Variants in PRDM11 observed in about 807,000 individuals in gnomAD.
PRDM11 encodes the protein PR domain-containing protein 11.
Under a neutral mutation model 97.8 loss-of-function variants are expected in PRDM11, and 20 were observed. The observed-to-expected ratio is 0.20, with a 90% confidence interval of 0.14 to 0.30. The LOEUF (loss-of-function observed/expected upper bound fraction) is 0.30, where lower values mean the gene tolerates loss of function less well. PRDM11 is among the 10% of genes least tolerant of loss of function. The probability of loss-of-function intolerance (pLI) is 1.00; values close to 1 mark genes in which losing one functional copy is unlikely to be tolerated. For missense variants in PRDM11, 1,139 were observed against 1,555.2 expected (o/e 0.73, Z 4.50); for synonymous variants, 599 against 637.7 (o/e 0.94, Z 0.91).
At chr11:45,183,294 C>T (rs557190296) in intron 4 of PRDM11, among the ~76,000 whole-genome samples, 171 bp downstream of exon 4, 1 of 152,272 alleles carries the variant, frequency 6.6e-6, no homozygotes, top group South Asian at 2.1e-4. Context: ...GGCTGCAACG[C>T]TTGGTGTCCA....
At chr11:45,149,257 A>G (rs1352155818) in intron 1 of PRDM11, among the ~76,000 whole-genome samples, 2 of 152,240 alleles carry the variant, frequency 1.3e-5, no homozygotes, top group Admixed American at 6.5e-5. Flanking sequence ...TTAAACACCT[A>G]GAAGTCTTTC....
chr11:45,168,091 G>C (rs1039730739), intron 1 of PRDM11, among the ~76,000 whole-genome samples: 1 of 152,180 alleles, frequency 6.6e-6, no homozygotes, highest in Non-Finnish European at 1.5e-5. Flanking sequence ...GATGACTGTT[G>C]AGGTGTCTTT....
At chr11:45,114,331 A>G (rs1852256299) in intron 1 of PRDM11, among the ~76,000 whole-genome samples, 1 of 152,178 alleles carries the variant, frequency 6.6e-6, no homozygotes, top group Non-Finnish European at 1.5e-5. Flanking sequence ...GATATGCATA[A>G]CAACAAACAA....
chr11:45,125,795 G>A (rs1306999029), intron 1 of PRDM11, among the ~76,000 whole-genome samples: 1 of 152,134 alleles, frequency 6.6e-6, no homozygotes, highest in Admixed American at 6.5e-5. Flanking sequence ...GTGGTGTGGT[G>A]CTGAAAAAAA....
intron 1 of PRDM11, among the ~76,000 whole-genome samples, chr11:45,138,887 A>T (rs1852934068): frequency 6.6e-6 from 1 of 152,252 alleles, no homozygotes. Context: ...TCACAAATAA[A>T]GTTACAAAAA....
chr11:45,142,176 C>T (rs1297624218), upstream of PRDM11, among the ~76,000 whole-genome samples: 1 of 152,184 alleles, frequency 6.6e-6, no homozygotes, highest in African/African-American at 2.4e-5. Context: ...GTCTCCCCAG[C>T]TTAAAATTAC....
At chr11:45,101,604 T>G in intron 1 of PRDM11, among the ~76,000 whole-genome samples, 3 of 135,560 alleles carry the variant, frequency 2.2e-5, no homozygotes, top group African/African-American at 6.4e-5. Context: ...GAAGAAGGCG[T>G]TCAGGGCTCA....
intron 1 of PRDM11, among the ~76,000 whole-genome samples, chr11:45,107,155 A>G (rs1048541448): frequency 1.3e-5 from 2 of 152,208 alleles, no homozygotes; most frequent in Non-Finnish European, 2.9e-5. Context: ...GATAAGTGCC[A>G]CGTTAGCACA....
intron 5 of PRDM11, among the ~76,000 whole-genome samples, chr11:45,207,687 C>G: frequency 6.6e-6 from 1 of 152,174 alleles, no homozygotes; most frequent in East Asian, 1.9e-4. Flanking sequence ...CATGGCTTGG[C>G]CCAAGGAGAC....
chr11:45,183,412 C>T (rs1852590235), intron 4 of PRDM11, among the ~76,000 whole-genome samples: 1 of 152,106 alleles, frequency 6.6e-6, no homozygotes, highest in Admixed American at 6.5e-5. Context: ...GTCTGGTGGA[C>T]CATTGGGCAG....
chr11:45,103,700 T>A (rs546660717), intron 1 of PRDM11, among the ~76,000 whole-genome samples: 1 of 148,708 alleles, frequency 6.7e-6, no homozygotes, highest in South Asian at 2.1e-4. Context: ...CTTTACTGTA[T>A]ATATAATATA....
chr11:45,139,246 CAGGACAACTGGGCAAAATGTTTT>C (rs1438227943), intron 1 of PRDM11, among the ~76,000 whole-genome samples: 10 of 152,126 alleles, frequency 6.6e-5, no homozygotes, highest in South Asian at 2.1e-4. Flanking sequence ...GAACACTTTG[CAGGACAACTGGGCAAAATGTTTT>C]AGGACAACTG....
chr11:45,103,738 A>G, intron 1 of PRDM11, among the ~76,000 whole-genome samples: 1 of 148,132 alleles, frequency 6.8e-6, no homozygotes, highest in Admixed American at 6.8e-5. Context: ...TATATATAGT[A>G]TATATAATAT....
At chr11:45,158,373 C>T (rs546259544) in intron 1 of PRDM11, among the ~76,000 whole-genome samples, 38 of 152,336 alleles carry the variant, frequency 2.5e-4, no homozygotes, top group Non-Finnish European at 4.0e-4. Flanking sequence ...CCCCTGCCTC[C>T]CTCCCTGCAG....
At position 45,114,903 on chromosome 11, in the gene PRDM11, G is replaced by A. The variant is rs370719088; in HGVS notation, c.96+19002G>A. On this transcript the variant is annotated intron_variant, in intron 1 of 6. Transcript: ENST00000530656. Reference sequence around the variant, plus strand: ...AAGATATTTCAAATAAATGAAAATTGAGAAAACTCACTGCCAGTAGACCTG... The same window carrying A: ...AAGATATTTCAAATAAATGAAAATTAAGAAAACTCACTGCCAGTAGACCTG... Among the ~76,000 whole-genome samples, 29 of 152,168 alleles carry A rather than the reference G, an allele frequency of 1.9e-4. No individual in the cohort carries two copies. The East Asian group carries it at 5.4e-3, about 28-fold the overall frequency.
rs1183339151 is a variant in PRDM11, at chr11:45,194,590, C to CTTTTTTTTTTTTTTTTTTTTTTTTTTTT, written c.487-10120_487-10119insTTTTTTTTTTTTTTTTTTTTTTTTTTTT. Among the ~76,000 whole-genome samples, 2 of 89,992 alleles carry CTTTTTTTTTTTTTTTTTTTTTTTTTTTT rather than the reference C, an allele frequency of 2.2e-5. 1 individual carries two copies. The highest frequency in any genetic ancestry group is 4.5e-5 in the Non-Finnish European group (2 of 44,720). The allele number at this position is 89,992 out of a possible 152,430, so 59.0% of individuals were successfully genotyped here. ...AGTACTGTGGGATAGTTATTATCTTCTGTTTTTTTTTTTTTTTTTTTTTTT... is the reference window on the plus strand; with the variant it reads ...AGTACTGTGGGATAGTTATTATCTTCTTTTTTTTTTTTTTTTTTTTTTTTTTTTTGTTTTTTTTTTTTTTTTTTTTTTT... On this transcript the variant is annotated intron_variant, in intron 4 of 7. Coordinates refer to ENST00000683152, the MANE Select transcript of PRDM11 (RefSeq NM_001384648.1).
intron 1 of PRDM11, among the ~76,000 whole-genome samples, chr11:45,108,535 C>T (rs879929068): frequency 1.3e-4 from 20 of 152,332 alleles, no homozygotes; most frequent in Admixed American, 1.2e-3. Flanking sequence ...CCTGCTGGGG[C>T]CCACGGATCC....
intron 1 of PRDM11, among the ~76,000 whole-genome samples, chr11:45,174,965 G>A (rs1457547670): frequency 6.6e-6 from 1 of 152,164 alleles, no homozygotes; most frequent in Non-Finnish European, 1.5e-5. Context: ...TCTTTTCATA[G>A]CTTTCATTAA....
intron 1 of PRDM11, among the ~76,000 whole-genome samples, chr11:45,157,848 C>G (rs1036219439): frequency 6.6e-6 from 1 of 152,188 alleles, no homozygotes; most frequent in Non-Finnish European, 1.5e-5. Flanking sequence ...GTGCTGGGTA[C>G]AGTTTGGGGT....
Sources: gnomAD v4.1 joint callset for allele counts (sites outside exome capture counted in the v4.1 genomes callset) on GRCh38, gnomAD v4.1.1 for gene constraint, MANE v1.5 for transcripts, NCBI Gene and HGNC (gene_info 2026-07-23, HGNC 2026-07-21) for gene names.